Variants in EPB41L3 observed in about 807,000 individuals in gnomAD.
EPB41L3 encodes erythrocyte membrane protein band 4.1 like 3.
In EPB41L3, 57 loss-of-function variants were observed where a neutral mutation model predicts 127.1. That is an observed-to-expected ratio of 0.45 (90% CI 0.36 to 0.56). The LOEUF (loss-of-function observed/expected upper bound fraction) is 0.56, where lower values mean the gene tolerates loss of function less well. EPB41L3 is among the 20% of genes least tolerant of loss of function. The pLI is 0.00. For missense variants in EPB41L3, 1,273 were observed against 1,372.2 expected (o/e 0.93, Z 1.14); for synonymous variants, 572 against 549.5 (o/e 1.04, Z -0.57).
intron 3 of EPB41L3, among the ~76,000 whole-genome samples, chr18:5,578,127 G>A (rs1418102957): frequency 2.0e-5 from 3 of 152,074 alleles, no homozygotes; most frequent in African/African-American, 7.2e-5. Flanking sequence ...GGTGGGACAG[G>A]GCCCAGAGAG....
intron 3 of EPB41L3, among the ~76,000 whole-genome samples, chr18:5,560,785 G>A (rs1894795704): frequency 6.6e-6 from 1 of 152,088 alleles, no homozygotes; most frequent in African/African-American, 2.4e-5. Flanking sequence ...TTTGGGGGGT[G>A]GGGAGAACGA....
intron 18 of EPB41L3, among the ~76,000 whole-genome samples, chr18:5,396,667 A>C (rs757042084): frequency 6.6e-6 from 1 of 152,248 alleles, no homozygotes; most frequent in Non-Finnish European, 1.5e-5. Flanking sequence ...TAAAGAATAA[A>C]GTTCTGGCAT....
intron 3 of EPB41L3, among the ~76,000 whole-genome samples, chr18:5,610,425 C>T (rs911667758): frequency 1.3e-5 from 2 of 152,096 alleles, no homozygotes; most frequent in Non-Finnish European, 2.9e-5. Flanking sequence ...CCAAAGTGAT[C>T]TCTCATGAAC....
At chr18:5,605,274 T>A (rs1415312581) in intron 3 of EPB41L3, among the ~76,000 whole-genome samples, 1 of 152,214 alleles carries the variant, frequency 6.6e-6, no homozygotes, top group African/African-American at 2.4e-5. Flanking sequence ...CCACCCATGT[T>A]CATCTCACAG....
chr18:5,488,208 A>T (rs1219060528), intron 2 of EPB41L3, among the ~76,000 whole-genome samples: 2 of 152,112 alleles, frequency 1.3e-5, no homozygotes, highest in African/African-American at 4.8e-5. Context: ...CTACCTGAAG[A>T]TCCACTAAGA....
chr18:5,461,040 C>T (rs1315447702), intron 3 of EPB41L3, among the ~76,000 whole-genome samples: 1 of 152,016 alleles, frequency 6.6e-6, no homozygotes, highest in African/African-American at 2.4e-5. Flanking sequence ...TTTTTCCCCC[C>T]TATCATGAGG....
rs546456825 is a variant in EPB41L3 at position 5,494,395 on chromosome 18, C to A, written c.-11-5201G>T. On this transcript the variant is annotated intron_variant, in intron 1 of 22. Coordinates refer to ENST00000341928, the MANE Select transcript of EPB41L3 (RefSeq NM_012307.5). ...AGAAGAGGCTGGGTGCAGTGGCTCA[C>A]GCCTGTAATCCCAACACTTTGGAAG... Among the ~76,000 whole-genome samples the A allele has an allele frequency of 3.9e-5, 6 of 152,280 alleles. No individual in the cohort carries two copies. In the South Asian group the frequency reaches 1.2e-3, roughly 32 times the overall value.
At chr18:5,507,136 C>A (rs1170006520) in intron 1 of EPB41L3, among the ~76,000 whole-genome samples, 2 of 152,084 alleles carry the variant, frequency 1.3e-5, no homozygotes, top group Non-Finnish European at 2.9e-5. Context: ...CCCTAATGTT[C>A]CTTATTTTAT....
At chr18:5,542,100 T>C (rs1003654928) in intron 1 of EPB41L3, among the ~76,000 whole-genome samples, 3 of 152,212 alleles carry the variant, frequency 2.0e-5, no homozygotes, top group African/African-American at 7.2e-5. Context: ...ATTAATTTTG[T>C]TACTCCAACT....
chr18:5,621,150 G>T (rs2094856825), intron 1 of EPB41L3, among the ~76,000 whole-genome samples: 1 of 152,110 alleles, frequency 6.6e-6, no homozygotes, highest in Admixed American at 6.5e-5. Context: ...GCCACAATGG[G>T]TTTAGTAGCA....
At chr18:5,626,142 TC>T (rs2094921449) in intron 1 of EPB41L3, among the ~76,000 whole-genome samples, 1 of 152,242 alleles carries the variant, frequency 6.6e-6, no homozygotes, top group African/African-American at 2.4e-5. Flanking sequence ...CTGGCATTCT[TC>T]CCACAGTCCC....
chr18:5,439,500 TATTA>T (rs1322948475), intron 5 of EPB41L3, among the ~76,000 whole-genome samples: 2 of 152,244 alleles, frequency 1.3e-5, no homozygotes, highest in East Asian at 3.8e-4. Flanking sequence ...TCCATCCATG[TATTA>T]GTTATAGTTA....
At chr18:5,430,659 G>A (rs2078881280) in intron 8 of EPB41L3, among the ~76,000 whole-genome samples, 1 of 151,298 alleles carries the variant, frequency 6.6e-6, no homozygotes, top group African/African-American at 2.4e-5. Flanking sequence ...ACCTCCAGGG[G>A]CTCAAGCAAC....
chr18:5,495,158 C>G (rs1293122448), intron 1 of EPB41L3, among the ~76,000 whole-genome samples: 5 of 152,270 alleles, frequency 3.3e-5, no homozygotes, highest in Admixed American at 2.6e-4. Flanking sequence ...TTGTAAAAAA[C>G]AAGCTTTTTG....
chr18:5,488,787 G>T, intron 2 of EPB41L3: 1 of 498,402 alleles, frequency 2.0e-6, no homozygotes, highest in Non-Finnish European at 3.4e-6. Flanking sequence ...GTGAGTTTCA[G>T]TGTTTTAATT....
chr18:5,602,172 A>G (rs1384484634), intron 3 of EPB41L3, among the ~76,000 whole-genome samples: 1 of 152,208 alleles, frequency 6.6e-6, no homozygotes, highest in Non-Finnish European at 1.5e-5. Context: ...CTACAATAAC[A>G]TCAAGTGTTT....
chr18:5,475,050 T>G (rs2086903569), intron 3 of EPB41L3, among the ~76,000 whole-genome samples: 1 of 152,210 alleles, frequency 6.6e-6, no homozygotes, highest in African/African-American at 2.4e-5. Context: ...CCTTTCCAAT[T>G]AACTGAGAAT....
At chr18:5,593,203 C>A (rs368135249) in intron 3 of EPB41L3, among the ~76,000 whole-genome samples, 1 of 150,874 alleles carries the variant, frequency 6.6e-6, no homozygotes, top group Non-Finnish European at 1.5e-5. Context: ...CTCACCCCCA[C>A]CCCCCTGTCC....
At chr18:5,420,760 T>C (rs2077378257) in intron 11 of EPB41L3, among the ~76,000 whole-genome samples, 1 of 152,230 alleles carries the variant, frequency 6.6e-6, no homozygotes, top group Admixed American at 6.5e-5. Flanking sequence ...TAAAATTTAT[T>C]AAAACTTATA....
Sources: allele counts gnomAD v4.1 joint callset (sites outside exome capture counted in the v4.1 genomes callset), GRCh38; gene constraint gnomAD v4.1.1; transcripts MANE v1.5; gene names NCBI Gene and HGNC (gene_info 2026-07-23, HGNC 2026-07-21).